The following PFKFB3 variants were observed in gnomAD, a reference collection of about 807,000 sequenced individuals.
PFKFB3 encodes the protein 6-phosphofructo-2-kinase/fructose-2,6-biphosphatase 3, also known as 6-phosphofructo-2-kinase/fructose-2,6-bisphosphatase 3.
Under a neutral mutation model 68.0 loss-of-function variants are expected in PFKFB3, and 33 were observed. The ratio of observed to expected loss-of-function variants is 0.49; its 90% CI spans 0.37 to 0.65. The LOEUF is 0.65. PFKFB3 is among the 30% of genes least tolerant of loss of function. The pLI, the probability that PFKFB3 is intolerant of heterozygous loss-of-function variation, is 0.00. For synonymous variants in PFKFB3, 315 were observed against 288.2 expected, an observed-to-expected ratio of 1.09 and a Z score of -0.94; for missense variants, 586 against 712.2, an observed-to-expected ratio of 0.82 and a Z score of 2.02.
intron 1 of PFKFB3, among the ~76,000 whole-genome samples, chr10:6,180,069 T>G (rs1209661874): frequency 2.0e-5 from 3 of 152,076 alleles, no homozygotes; most frequent in African/African-American, 7.2e-5. Flanking sequence ...TGGGCCAGGC[T>G]CGGTGGCGCT....
chr10:6,292,236 G>A, the PFKFB3 span, among the ~76,000 whole-genome samples: 2 of 145,130 alleles, frequency 1.4e-5, no homozygotes, highest in East Asian at 4.1e-4. Flanking sequence ...TTACAAGTGT[G>A]AGCCACAGCA....
chr10:6,265,538 G>A, the PFKFB3 span, among the ~76,000 whole-genome samples: 1 of 152,056 alleles, frequency 6.6e-6, no homozygotes, highest in African/African-American at 2.4e-5. Context: ...GAATATTATG[G>A]AAGTCATGTT....
the PFKFB3 span, among the ~76,000 whole-genome samples, chr10:6,290,961 C>G: frequency 1.3e-5 from 2 of 152,130 alleles, no homozygotes; most frequent in African/African-American, 4.8e-5. Flanking sequence ...GTCTCTTTCT[C>G]TTTTTTTCTG....
chr10:6,302,733 A>C, the PFKFB3 span, among the ~76,000 whole-genome samples: 1 of 144,654 alleles, frequency 6.9e-6, no homozygotes. Flanking sequence ...GCCCAAAATA[A>C]AAATATGTGT....
intron 1 of PFKFB3, among the ~76,000 whole-genome samples, chr10:6,147,172 A>T (rs1366663454): frequency 6.6e-6 from 1 of 152,236 alleles, no homozygotes; most frequent in African/African-American, 2.4e-5. Flanking sequence ...TCCTCCTGTG[A>T]GGGACAGCAC....
intron 1 of PFKFB3, among the ~76,000 whole-genome samples, chr10:6,212,296 C>T (rs1016502285): frequency 5.9e-5 from 9 of 152,362 alleles, no homozygotes; most frequent in Admixed American, 5.9e-4. Flanking sequence ...AGATACTGGG[C>T]CCTCGGCTCC....
the PFKFB3 span, among the ~76,000 whole-genome samples, chr10:6,277,305 C>T: frequency 6.6e-6 from 1 of 151,754 alleles, no homozygotes; most frequent in Non-Finnish European, 1.5e-5. Flanking sequence ...GCGATCTGGA[C>T]TCACTGCAAC....
the PFKFB3 span, among the ~76,000 whole-genome samples, chr10:6,317,863 T>C: frequency 3.9e-5 from 6 of 152,142 alleles, no homozygotes; most frequent in African/African-American, 1.4e-4. Context: ...AAGACGCAAT[T>C]GTGCGCAAAG....
chr10:6,295,733 C>T, the PFKFB3 span, among the ~76,000 whole-genome samples: 1 of 152,082 alleles, frequency 6.6e-6, no homozygotes, highest in African/African-American at 2.4e-5. Context: ...AGTAGTTTCC[C>T]TTGAGGGCAG....
At chr10:6,241,827 A>T (rs4750161) in intron 14 of PFKFB3, among the ~76,000 whole-genome samples, 2 of 147,162 alleles carry the variant, frequency 1.4e-5, no homozygotes, top group African/African-American at 5.1e-5. Flanking sequence ...CTTTTTTTTA[A>T]TTTTTTTTTG....
intron 1 of PFKFB3, among the ~76,000 whole-genome samples, chr10:6,161,028 C>T (rs770538253): frequency 3.9e-5 from 6 of 151,968 alleles, no homozygotes; most frequent in African/African-American, 9.7e-5. Flanking sequence ...CTCCGCTTCT[C>T]GGGTTCAAGC....
chr10:6,311,497 C>T, the PFKFB3 span, among the ~76,000 whole-genome samples: 1 of 145,686 alleles, frequency 6.9e-6, no homozygotes, highest in Non-Finnish European at 1.6e-5. Flanking sequence ...CTCTCTGGGC[C>T]CAGCACTCTG....
At chr10:6,237,292 C>A (rs1846036344), downstream of PFKFB3, among the ~76,000 whole-genome samples, 1 of 152,262 alleles carries the variant, frequency 6.6e-6, no homozygotes, top group African/African-American at 2.4e-5. Context: ...AGGGCAGCTC[C>A]CTGTGCCCCG....
chr10:6,237,520 C>G (rs1846042949), downstream of PFKFB3, among the ~76,000 whole-genome samples: 1 of 152,328 alleles, frequency 6.6e-6, no homozygotes, highest in East Asian at 1.9e-4. Flanking sequence ...AACAAAAATT[C>G]AAAGCCTTCT....
chr10:6,163,397 C>A (rs1842021249), intron 1 of PFKFB3, among the ~76,000 whole-genome samples: 1 of 152,202 alleles, frequency 6.6e-6, no homozygotes, highest in Non-Finnish European at 1.5e-5. Context: ...CCCCACAACC[C>A]TATATAGACT....
intron 5 of PFKFB3, 38 bp from the exon 6 acceptor site, chr10:6,217,097 G>T (rs368383099): frequency 1.2e-6 from 2 of 1,602,400 alleles, no homozygotes; most frequent in Admixed American, 1.7e-5. Flanking sequence ...ATCCTTCGTG[G>T]TGTTTGTTTT....
At chr10:6,214,891 G>A (rs1844458663) in intron 2 of PFKFB3, among the ~76,000 whole-genome samples, 1 of 152,216 alleles carries the variant, frequency 6.6e-6, no homozygotes, top group African/African-American at 2.4e-5. Context: ...TGCTAGACTT[G>A]GGGCCTCCCC....
chr10:6,246,375 G>C (rs182629296), intron 14 of PFKFB3, among the ~76,000 whole-genome samples: 1 of 150,296 alleles, frequency 6.7e-6, no homozygotes, highest in Admixed American at 6.6e-5. Flanking sequence ...ATCTCACTCT[G>C]TTTCCCAGGA....
In PFKFB3 at chr10:6,233,737, G is replaced by C. The variant is rs1564224234; in HGVS notation, c.*795G>C. ...GGGAACTGAGAAACACTTTCCTGGAGCTGCTGGCTTTTGCACTTTTTTGAT... is the reference window on the plus strand; with the variant it reads ...GGGAACTGAGAAACACTTTCCTGGACCTGCTGGCTTTTGCACTTTTTTGAT... On this transcript the variant is annotated 3_prime_UTR_variant, in exon 15 of 15. Coordinates refer to ENST00000379775, the MANE Select transcript of PFKFB3 (RefSeq NM_004566.4). 1.3e-5 allele frequency: 2 copies of C among 152,936 alleles called. No homozygotes were observed. The highest frequency in any genetic ancestry group is 4.1e-4 in the South Asian group (2 of 4,836). The allele number at this position is 152,936 out of a possible 1,614,324, so 9.5% of individuals were successfully genotyped here.
Sources: allele counts gnomAD v4.1 joint callset (sites outside exome capture counted in the v4.1 genomes callset), GRCh38; gene constraint gnomAD v4.1.1; transcripts MANE v1.5; gene names NCBI Gene and HGNC (gene_info 2026-07-23, HGNC 2026-07-21).